The following CRADD variants were observed in gnomAD, a reference collection of about 807,000 sequenced individuals.
CRADD encodes the protein death domain-containing protein CRADD.
In CRADD, 9 loss-of-function variants were observed where a neutral mutation model predicts 15.5. The observed-to-expected ratio is 0.58, with a 90% CI of 0.35 to 1.01. The LOEUF (loss-of-function observed/expected upper bound fraction) is 1.01. Among genes scored for constraint, CRADD ranks in the 50% least tolerant of loss-of-function variants. CRADD has a pLI of 0.02. For synonymous variants in CRADD, 118 were observed against 107.6 expected (o/e 1.10, Z -0.60); for missense variants, 227 against 250.3 (o/e 0.91, Z 0.63).
intron 2 of CRADD, among the ~76,000 whole-genome samples, chr12:93,866,885 T>G (rs1419758295): frequency 6.6e-6 from 1 of 152,230 alleles, no homozygotes; most frequent in African/African-American, 2.4e-5. Flanking sequence ...GTAGTCCTCA[T>G]GCTTTCAAAA....
intron 2 of CRADD, among the ~76,000 whole-genome samples, chr12:93,801,708 T>G (rs1957478540): frequency 6.6e-6 from 1 of 152,152 alleles, no homozygotes; most frequent in Non-Finnish European, 1.5e-5. Context: ...CTTTAAAAAA[T>G]GTTTATTTAA....
chr12:93,758,761 C>T (rs1956918347), intron 2 of CRADD, among the ~76,000 whole-genome samples: 1 of 151,968 alleles, frequency 6.6e-6, no homozygotes, highest in South Asian at 2.1e-4. Flanking sequence ...TAATCTGATA[C>T]CATTTTATAT....
chr12:93,748,376 G>A (rs938398462), intron 2 of CRADD, among the ~76,000 whole-genome samples: 12 of 151,284 alleles, frequency 7.9e-5, no homozygotes, highest in Admixed American at 7.3e-4. Flanking sequence ...TGCAATCTCA[G>A]CTCACGGCAA....
intron 2 of CRADD, among the ~76,000 whole-genome samples, chr12:93,820,919 G>A (rs975698813): frequency 1.3e-5 from 2 of 152,156 alleles, no homozygotes; most frequent in Non-Finnish European, 2.9e-5. Context: ...CATTCATCAG[G>A]AAGGAGATTT....
chr12:93,888,997 G>A (rs372192652), intron 2 of CRADD, among the ~76,000 whole-genome samples: 1 of 152,170 alleles, frequency 6.6e-6, no homozygotes, highest in East Asian at 1.9e-4. Context: ...GTACAGCCAA[G>A]GGGAGCTGTT....
chr12:93,859,313 T>G (rs760725008), intron 2 of CRADD: 3 of 455,960 alleles, frequency 6.6e-6, no homozygotes, highest in South Asian at 4.6e-5. Context: ...TTGTCTTTTG[T>G]TATAGGGTGT....
chr12:93,883,845 A>G (rs1958518558), intron 2 of CRADD, among the ~76,000 whole-genome samples: 1 of 152,170 alleles, frequency 6.6e-6, no homozygotes, highest in Non-Finnish European at 1.5e-5. Context: ...AAACAATAAA[A>G]TAAAATAAAA....
chr12:93,733,246 G>A (rs2136915112), intron 2 of CRADD, among the ~76,000 whole-genome samples: 1 of 152,128 alleles, frequency 6.6e-6, no homozygotes, highest in South Asian at 2.1e-4. Flanking sequence ...AAGAAATTGG[G>A]TACACATAGC....
chr12:93,742,408 A>G (rs1054684253), intron 2 of CRADD, among the ~76,000 whole-genome samples: 20 of 150,030 alleles, frequency 1.3e-4, no homozygotes, highest in African/African-American at 4.9e-4. Context: ...GCAGCGGGGC[A>G]GGGAGGCGCG....
Position 93,722,775 on chromosome 12 carries a change from A to G in CRADD, c.298+43703A>G, listed in dbSNP as rs931177399. On this transcript the variant is annotated intron_variant, in intron 2 of 2. Transcript: ENST00000332896. ...TTAACAAATTAACCATAGTTGTTTT[A>G]AATTCCCTATCTGATAATTCCAACA... is the stretch of plus-strand genomic sequence containing the variant. Among the ~76,000 whole-genome samples the G allele has an allele frequency of 2.0e-5, 3 of 152,246 alleles. No homozygotes were observed. The East Asian group carries it at 5.8e-4, about 29-fold the overall frequency.
intron 2 of CRADD, among the ~76,000 whole-genome samples, chr12:93,748,849 G>A (rs962821124): frequency 2.0e-5 from 3 of 152,200 alleles, no homozygotes; most frequent in African/African-American, 7.2e-5. Flanking sequence ...ACCCAGAGCT[G>A]TTCACAGATG....
At chr12:93,774,866 TGAG>T (rs1344742306) in intron 2 of CRADD, among the ~76,000 whole-genome samples, 1 of 151,978 alleles carries the variant, frequency 6.6e-6, no homozygotes, top group Non-Finnish European at 1.5e-5. Flanking sequence ...CTAAATGAAA[TGAG>T]GAGCAAGGAA....
intron 2 of CRADD, among the ~76,000 whole-genome samples, chr12:93,762,754 A>G (rs1354682565): frequency 2.0e-5 from 3 of 151,998 alleles, no homozygotes; most frequent in Non-Finnish European, 4.4e-5. Context: ...CAGATACAGT[A>G]TCAAACTTTT....
intron 2 of CRADD, among the ~76,000 whole-genome samples, chr12:93,871,834 A>T (rs560105069): frequency 6.6e-6 from 1 of 152,334 alleles, no homozygotes; most frequent in South Asian, 2.1e-4. Flanking sequence ...TAAGTTGCTT[A>T]GAAATCTTAG....
intron 2 of CRADD, among the ~76,000 whole-genome samples, chr12:93,814,429 C>T (rs1194307463): frequency 6.6e-6 from 1 of 152,108 alleles, no homozygotes; most frequent in Admixed American, 6.5e-5. Flanking sequence ...AGTGGGATTA[C>T]CCAGTGGGAA....
At chr12:93,850,834 T>G (rs904369755), downstream of CRADD, 4 of 706,814 alleles carry the variant, frequency 5.7e-6, no homozygotes, top group Non-Finnish European at 6.9e-6. The surrounding 1 kb of genome is among the most constrained non-coding windows in gnomAD (Gnocchi z 4.0). Flanking sequence ...AATAGTCTTT[T>G]TTTTCTTTTT....
At position 93,850,136 on chromosome 12, in the gene CRADD, C is replaced by T. The variant is rs774580724; in HGVS notation, c.465C>T (p.Asn155=). 2.2e-5 allele frequency: 35 copies of T among 1,614,034 alleles called. No homozygotes were observed. The highest frequency in any genetic ancestry group is 5.0e-5 in the Admixed American group (3 of 60,012). Residue 155 remains asparagine, a synonymous_variant, in exon 3 of 3, where the codon AAC becomes AAT. Coordinates refer to ENST00000332896, the MANE Select transcript of CRADD (RefSeq NM_003805.5). This position sits in a 1 kb window ranked among gnomAD's most constrained non-coding sequence, Gnocchi z 4.0. ...GCTGTAAGGCCAACCACCCCCACAA[C>T]GTGCAGTCGCAGGTGGTGGAGGCCT... The part of the protein sequence containing the change: ...IYRCKANHPH[N]VQSQVVEAFI...
chr12:93,804,099 C>G (rs1957507718), intron 2 of CRADD, among the ~76,000 whole-genome samples: 1 of 152,010 alleles, frequency 6.6e-6, no homozygotes. Context: ...ACATTTGTGG[C>G]CATTTGTCAT....
intron 2 of CRADD, among the ~76,000 whole-genome samples, chr12:93,687,520 A>G (rs1955464640): frequency 6.6e-6 from 1 of 152,154 alleles, no homozygotes; most frequent in Non-Finnish European, 1.5e-5. Context: ...GGGCATGCCC[A>G]TGTGTAAGTC....
Sources: allele counts gnomAD v4.1 joint callset (sites outside exome capture counted in the v4.1 genomes callset), GRCh38; gene constraint gnomAD v4.1.1; non-coding constraint Gnocchi (gnomAD v3.1); transcripts MANE v1.5; gene names NCBI Gene and HGNC (gene_info 2026-07-23, HGNC 2026-07-21).